MEGF8: variants seen among roughly 807,000 people sequenced by gnomAD.
MEGF8 encodes the protein multiple EGF like domains 8, also known as multiple epidermal growth factor-like domains protein 8.
A neutral mutation model predicts 302.9 loss-of-function variants in MEGF8; 156 were observed. That is an observed-to-expected ratio of 0.52 (90% CI 0.45 to 0.59). The LOEUF (loss-of-function observed/expected upper bound fraction) is 0.59. MEGF8 is among the 20% of genes least tolerant of loss of function. MEGF8 has a pLI of 0.00. For synonymous variants in MEGF8, 1,621 were observed against 1,660.5 expected, an observed-to-expected ratio of 0.98 and a Z score of 0.58; for missense variants, 3,345 against 3,964.5, an observed-to-expected ratio of 0.84 and a Z score of 4.20.
chr19:42,344,092 C>T lies in MEGF8; in HGVS notation c.1788+19C>T. 1 of 1,611,318 alleles carries T rather than the reference C, an allele frequency of 6.2e-7. No individual in the cohort carries two copies. The highest frequency in any genetic ancestry group is 8.5e-7 in the Non-Finnish European group (1 of 1,179,090). ...GGGGGCTGTGAGTGACAGCCCTAGA[C>T]CCTCTGTTCCCTAGCATAGAGACCT... On this transcript the variant is annotated intron_variant, in intron 10 of 41. Transcript: ENST00000251268. This position sits in a 1 kb window ranked among gnomAD's most constrained non-coding sequence, Gnocchi z 4.5.
In MEGF8 at chr19:42,351,654, C is replaced by T; in HGVS notation, c.2994C>T (p.His998=). The change falls in exon 18 of 42, where the codon CAC becomes CAT. Residue 998 remains histidine (H), a synonymous_variant. Transcript: ENST00000251268. This position sits in a 1 kb window ranked among gnomAD's most constrained non-coding sequence, Gnocchi z 5.6. ...GGCRGWDDSV[H]SEPRCRSCDG... ...CACCCCTGCCATCCTGCAGTGTACA[C>T]TCGGAGCCACGGTGCCGGAGCTGCG... 1 of 1,589,018 alleles carries T rather than the reference C, an allele frequency of 6.3e-7. No individual in the cohort carries two copies. Among genetic ancestry groups the T allele is most frequent in the Non-Finnish European group, 8.6e-7 (1 of 1,168,452 alleles).
intron 3 of MEGF8, among the ~76,000 whole-genome samples, chr19:42,334,812 G>A (rs1041752776): frequency 1.3e-5 from 2 of 151,622 alleles, no homozygotes; most frequent in Admixed American, 6.6e-5. Context: ...TTTGTCTCTT[G>A]TTTCTGTCTG....
chr19:42,370,449 C>A, intron 39 of MEGF8, 90 bp downstream of exon 39: 2 of 1,170,064 alleles, frequency 1.7e-6, no homozygotes, highest in Non-Finnish European at 2.4e-6. Context: ...GAGACCTGGA[C>A]CCTTGGGTTG....
Position 42,376,684 on chromosome 19 carries a change from G to T in MEGF8, c.8447G>T (p.Gly2816Val), listed in dbSNP as rs367932670. The change falls in exon 42 of 42, where the codon GGT (glycine) becomes GTT (valine). Residue 2816 changes from glycine (G) to valine (V), a missense_variant. Physicochemically the swap from Gly to Val is moderately radical, Grantham distance 109. Coordinates refer to ENST00000251268, the MANE Select transcript of MEGF8 (RefSeq NM_001271938.2). The surrounding 1 kb of genome is among the most constrained non-coding windows in gnomAD (Gnocchi z 8.2). Reference protein sequence around the residue: ...LRHRLHEYCGGGGGAGGSGHG... With the variant: ...LRHRLHEYCGVGGGAGGSGHG... ...CACAGGCTGCACGAGTACTGTGGGGGTGGTGGGGGTGCTGGGGGCAGTGGG... is the reference window on the plus strand; with the variant it reads ...CACAGGCTGCACGAGTACTGTGGGGTTGGTGGGGGTGCTGGGGGCAGTGGG... 2.0e-5 allele frequency: 30 copies of T among 1,517,992 alleles called. No homozygotes were observed. Among genetic ancestry groups the T allele is most frequent in the Non-Finnish European group, 2.1e-5 (24 of 1,132,886 alleles). The allele number at this position is 1,517,992 out of a possible 1,614,324, so 94.0% of individuals were successfully genotyped here. A position where few individuals can be genotyped will look rare whatever the true frequency, so the allele number is the denominator to read the frequency against.
In MEGF8 at chr19:42,356,181, C is replaced by A. The variant is rs1243521460; in HGVS notation, c.4491C>A (p.Ser1497Arg). The A allele has an allele frequency of 6.5e-7, 1 of 1,536,168 alleles. No homozygotes were observed. The highest frequency in any genetic ancestry group is 8.8e-7 in the Non-Finnish European group (1 of 1,138,748). The change falls in exon 25 of 42, where the codon AGC becomes AGA. Residue 1497 changes from serine to arginine, a missense_variant. Coordinates refer to ENST00000251268, the MANE Select transcript of MEGF8 (RefSeq NM_001271938.2). This position sits in a 1 kb window ranked among gnomAD's most constrained non-coding sequence, Gnocchi z 5.2. ...GQLVWETLMD[S>R]RLSADTASRF... ...TGGTCTGGGAGACCCTCATGGACAGCCGCCTCTCAGCCGTGAGTTGTGGGT... is the reference window on the plus strand; with the variant it reads ...TGGTCTGGGAGACCCTCATGGACAGACGCCTCTCAGCCGTGAGTTGTGGGT...
At position 42,369,165 on chromosome 19, in the gene MEGF8, CA is replaced by C. The variant is rs1412601587; in HGVS notation, c.6641+164del. 1.3e-5 allele frequency among the ~76,000 whole-genome samples: 2 copies of C among 152,130 alleles called. No individual in the cohort carries two copies. Among genetic ancestry groups the C allele is most frequent in the African/African-American group, 4.8e-5 (2 of 41,422 alleles). On this transcript the variant is annotated intron_variant, in intron 37 of 41. Coordinates refer to ENST00000251268, the MANE Select transcript of MEGF8 (RefSeq NM_001271938.2). The surrounding 1 kb of genome is among the most constrained non-coding windows in gnomAD (Gnocchi z 5.7). ...GAAGGTCAAGAGTGGTGAGGCTGAGCAGGGAAGAGTGAGTTTCATAGGGTAC... is the reference window on the plus strand; with the variant it reads ...GAAGGTCAAGAGTGGTGAGGCTGAGCGGGAAGAGTGAGTTTCATAGGGTAC...
chr19:42,354,763 T>C lies in MEGF8; in HGVS notation c.4144+43T>C, dbSNP rs2039427470. Reference sequence around the variant, plus strand: ...AGTGGGACCTCTTAGTCCTGGGCTATGTATCCCTTGCCCCTGAACTCACCA... The same window carrying C: ...AGTGGGACCTCTTAGTCCTGGGCTACGTATCCCTTGCCCCTGAACTCACCA... On this transcript the variant is annotated intron_variant, in intron 23 of 41. Coordinates refer to ENST00000251268, the MANE Select transcript of MEGF8 (RefSeq NM_001271938.2). This position sits in a 1 kb window ranked among gnomAD's most constrained non-coding sequence, Gnocchi z 4.3. The C allele has an allele frequency of 1.3e-6, 2 of 1,560,920 alleles. No homozygotes were observed. Among genetic ancestry groups the C allele is most frequent in the Non-Finnish European group, 1.7e-6 (2 of 1,154,078 alleles).
In MEGF8 at chr19:42,326,181, A is replaced by G; in HGVS notation, c.-63A>G. On this transcript the variant is annotated 5_prime_UTR_variant, in exon 1 of 42. It removes the in-frame stop codon of an upstream open reading frame in the 5' UTR. Coordinates refer to ENST00000251268, the MANE Select transcript of MEGF8 (RefSeq NM_001271938.2). ...GCATTTGCAGGGCCTCACCCCGGGT[A>G]GAGGGTCCTCTCCAGGTTTTTACGG... 1.4e-6 allele frequency: 2 copies of G among 1,441,098 alleles called. No homozygotes were observed. Among genetic ancestry groups the G allele is most frequent in the Non-Finnish European group, 1.8e-6 (2 of 1,103,068 alleles). 89.3% of individuals were successfully genotyped at this position (1,441,098 alleles called of 1,614,324 possible).
Position 42,344,172 on chromosome 19 carries a change from G to A in MEGF8, c.1788+99G>A. On this transcript the variant is annotated intron_variant, in intron 10 of 41. Coordinates refer to ENST00000251268, the MANE Select transcript of MEGF8 (RefSeq NM_001271938.2). The surrounding 1 kb of genome is among the most constrained non-coding windows in gnomAD (Gnocchi z 4.5). Reference sequence around the variant, plus strand: ...ATGGACAAGAACTTTCCCTCAACTGGGAGACTTGTTTTCATGCCGGAGATC... The same window carrying A: ...ATGGACAAGAACTTTCCCTCAACTGAGAGACTTGTTTTCATGCCGGAGATC... The A allele has an allele frequency of 6.9e-7, 1 of 1,456,950 alleles. No homozygotes were observed. The highest frequency in any genetic ancestry group is 9.1e-7 in the Non-Finnish European group (1 of 1,093,894). 90.3% of individuals were successfully genotyped at this position (1,456,950 alleles called of 1,614,324 possible). A position where few individuals can be genotyped will look rare whatever the true frequency, so the allele number is the denominator to read the frequency against.
Position 42,356,962 on chromosome 19 carries a change from T to C in MEGF8, c.4811T>C (p.Leu1604Pro). ...RDFWVLNLTTLQWRQEKAPQT... is the reference protein window; with the variant it reads ...RDFWVLNLTTPQWRQEKAPQT... Reference sequence around the variant, plus strand: ...TTCTGGGTCCTCAACCTCACCACCCTGCAATGGCGGCAGGAGAAGGTGAGC... The same window carrying C: ...TTCTGGGTCCTCAACCTCACCACCCCGCAATGGCGGCAGGAGAAGGTGAGC... The change falls in exon 27 of 42, where the codon CTG becomes CCG. Residue 1604 changes from leucine (L) to proline (P), a missense_variant. Transcript: ENST00000251268. This position sits in a 1 kb window ranked among gnomAD's most constrained non-coding sequence, Gnocchi z 5.2. 6.2e-7 allele frequency: 1 copy of C among 1,605,992 alleles called. No individual in the cohort carries two copies. Among genetic ancestry groups the C allele is most frequent in the Non-Finnish European group, 8.5e-7 (1 of 1,176,564 alleles).
rs768037820 is a variant in MEGF8 at position 42,343,918 on chromosome 19, C to G, written c.1669-36C>G. 3.1e-6 allele frequency: 5 copies of G among 1,603,258 alleles called. No individual in the cohort carries two copies. The Admixed American group carries it at 6.7e-5, about 22-fold the overall frequency. Reference sequence around the variant, plus strand: ...GTCTGAGAGGCCTCCTCCTCCGTCCCCTTGCCTCCCCCTCTGTCCCCTTGC... The same window carrying G: ...GTCTGAGAGGCCTCCTCCTCCGTCCGCTTGCCTCCCCCTCTGTCCCCTTGC... On this transcript the variant is annotated intron_variant, in intron 9 of 41. Transcript: ENST00000251268.
In MEGF8 at chr19:42,326,092, G is replaced by A; in HGVS notation, c.-152G>A. The A allele has an allele frequency of 1.6e-6, 2 of 1,279,134 alleles. No individual in the cohort carries two copies. The highest frequency in any genetic ancestry group is 3.1e-5 in the East Asian group (1 of 31,804). The allele number at this position is 1,279,134 out of a possible 1,614,324, so 79.2% of individuals were successfully genotyped here. On this transcript the variant is annotated 5_prime_UTR_variant, in exon 1 of 42. Coordinates refer to ENST00000251268, the MANE Select transcript of MEGF8 (RefSeq NM_001271938.2). Reference sequence around the variant, plus strand: ...CCTGTCAGCAGTGGCCGTACCCTTCGCCGGGACTGCCGGGTCTCCGGGACC... The same window carrying A: ...CCTGTCAGCAGTGGCCGTACCCTTCACCGGGACTGCCGGGTCTCCGGGACC...
Position 42,358,818 on chromosome 19 carries a change from C to G in MEGF8, c.5207C>G (p.Ser1736Cys). Residue 1736 changes from serine (S) to cysteine (C), a missense_variant, in exon 30 of 42, where the codon TCT becomes TGT. By Grantham distance (112) the Ser-to-Cys change is moderately radical. Transcript: ENST00000251268. The surrounding 1 kb of genome is among the most constrained non-coding windows in gnomAD (Gnocchi z 4.4). ...RDRMRNVRGS[S>C]RGLGQVPGEQ... is the part of the protein sequence containing the mutation. The stretch of plus-strand genomic sequence containing the variant: ...CGTATGAGGAATGTGCGTGGCTCAT[C>G]TCGGGGTCTGGGCCAAGTTCCTGGG... 6.3e-7 allele frequency: 1 copy of G among 1,590,932 alleles called. No individual in the cohort carries two copies. Among genetic ancestry groups the G allele is most frequent in the South Asian group, 1.1e-5 (1 of 87,062 alleles).
chr19:42,364,234 A>G (rs1372858617), intron 35 of MEGF8, among the ~76,000 whole-genome samples: 1 of 152,150 alleles, frequency 6.6e-6, no homozygotes, highest in African/African-American at 2.4e-5. Context: ...TCCATTCCAA[A>G]GACGCTTCCA....
chr19:42,375,499 G>C lies in MEGF8; in HGVS notation c.7270-8G>C. On this transcript the variant is annotated splice_polypyrimidine_tract_variant and splice_region_variant and intron_variant, in intron 41 of 41. Transcript: ENST00000251268. This position sits in a 1 kb window ranked among gnomAD's most constrained non-coding sequence, Gnocchi z 7.1. ...CCTGATGGTCACCGCCTCTAACCCTGCCCGCAGTGCGCCAAGTGCCGGGAA... is the reference window on the plus strand; with the variant it reads ...CCTGATGGTCACCGCCTCTAACCCTCCCCGCAGTGCGCCAAGTGCCGGGAA... The C allele has an allele frequency of 6.4e-7, 1 of 1,569,154 alleles. No homozygotes were observed. Among genetic ancestry groups the C allele is most frequent in the Non-Finnish European group, 8.6e-7 (1 of 1,158,238 alleles).
rs1374729294 is a variant in MEGF8 at position 42,336,750 on chromosome 19, G to T, written c.1245-57G>T. ...TGATCACATGGCTCCTAAGAGCCTG[G>T]AGGAGGGAGAGAGACGCTTCCTGCC... is the stretch of plus-strand genomic sequence containing the variant. On this transcript the variant is annotated intron_variant, in intron 6 of 41. Transcript: ENST00000251268. This position sits in a 1 kb window ranked among gnomAD's most constrained non-coding sequence, Gnocchi z 4.8. 4 of 1,524,286 alleles carry T rather than the reference G, an allele frequency of 2.6e-6. No individual in the cohort carries two copies. Among genetic ancestry groups the T allele is most frequent in the Non-Finnish European group, 3.5e-6 (4 of 1,137,920 alleles). The allele number at this position is 1,524,286 out of a possible 1,614,324, so 94.4% of individuals were successfully genotyped here. A position where few individuals can be genotyped will look rare whatever the true frequency, so the allele number is the denominator to read the frequency against.
At chr19:42,359,914 T>C (rs1600062141) in intron 31 of MEGF8, among the ~76,000 whole-genome samples, 2 of 150,358 alleles carry the variant, frequency 1.3e-5, no homozygotes, top group South Asian at 2.1e-4. Context: ...ACGCTGGTCT[T>C]GAACTCCTGG....
intron 35 of MEGF8, among the ~76,000 whole-genome samples, chr19:42,364,580 G>T (rs2039578401): frequency 6.6e-6 from 1 of 152,216 alleles, no homozygotes; most frequent in African/African-American, 2.4e-5. Context: ...GGAGGGCAGG[G>T]TGTGGAGGAC....
intron 1 of MEGF8, 112 bp from the exon 2 acceptor site, chr19:42,333,493 G>A: frequency 1.6e-6 from 2 of 1,224,868 alleles, no homozygotes; most frequent in Non-Finnish European, 1.1e-6. Context: ...ACTCATTCTT[G>A]AGCCCCCAGC....
Sources: allele counts gnomAD v4.1 joint callset (sites outside exome capture counted in the v4.1 genomes callset), GRCh38; gene constraint gnomAD v4.1.1; non-coding constraint Gnocchi (gnomAD v3.1); transcripts MANE v1.5; gene names NCBI Gene and HGNC (gene_info 2026-07-23, HGNC 2026-07-21).